CA5A: variants seen among roughly 807,000 people sequenced by gnomAD.
The protein encoded by CA5A is carbonic anhydrase 5A.
In CA5A, 28 loss-of-function variants were observed where a neutral mutation model predicts 37.1. The observed-to-expected ratio is 0.75, with a 90% CI of 0.56 to 1.03. The LOEUF is 1.03. Among genes scored for constraint, CA5A ranks in the 50% least tolerant of loss-of-function variants. CA5A has a pLI of 0.00. For missense variants in CA5A, 444 were observed against 399.9 expected, an observed-to-expected ratio of 1.11 and a Z score of -0.94; for synonymous variants, 171 against 158.4, an observed-to-expected ratio of 1.08 and a Z score of -0.60.
intron 2 of CA5A, among the ~76,000 whole-genome samples, chr16:87,924,795 T>C (rs1343282185): frequency 1.3e-5 from 2 of 151,992 alleles, no homozygotes; most frequent in Non-Finnish European, 2.9e-5. Context: ...TCCCGCTTGT[T>C]GGTCCCGCTT....
intron 2 of CA5A, among the ~76,000 whole-genome samples, chr16:87,923,054 C>T (rs773569488): frequency 1.8e-4 from 27 of 152,216 alleles, no homozygotes; most frequent in African/African-American, 5.3e-4. Context: ...GAACGGAAGC[C>T]GGCTCCTTGT....
chr16:87,883,322 C>CTACTT (rs2055623721), downstream of CA5A: 1 of 142,506 alleles, frequency 7.0e-6, no homozygotes. Flanking sequence ...CGCGCCTAGC[C>CTACTT]TTAGTTTTTT....
At chr16:87,933,011 A>G (rs950499594) in intron 1 of CA5A, among the ~76,000 whole-genome samples, 1 of 152,260 alleles carries the variant, frequency 6.6e-6, no homozygotes, top group African/African-American at 2.4e-5. Context: ...AACAGGCCTC[A>G]GGTGGCTGCG....
chr16:87,888,202 C>A lies in CA5A; in HGVS notation c.845G>T (p.Arg282Leu). 6.2e-7 allele frequency: 1 copy of A among 1,613,796 alleles called. No homozygotes were observed. The change falls in exon 7 of 7, where the codon CGC becomes CTC. Residue 282 changes from arginine (R) to leucine (L), a missense_variant. Arg to Leu is a moderately radical substitution (Grantham distance 102). Transcript: ENST00000649794. ...EEEKMMVNNYRPLQPLMNRKV... is the reference protein window; with the variant it reads ...EEEKMMVNNYLPLQPLMNRKV... Reference sequence around the variant, plus strand: ...CCGGTTCATCAAGGGTTGAAGTGGGCGATAGTTGTTCACCATCATCTTCTC... The same window carrying A: ...CCGGTTCATCAAGGGTTGAAGTGGGAGATAGTTGTTCACCATCATCTTCTC...
At chr16:87,925,954 G>A (rs1193276090) in intron 2 of CA5A, among the ~76,000 whole-genome samples, 2 of 152,198 alleles carry the variant, frequency 1.3e-5, no homozygotes, top group African/African-American at 4.8e-5. Context: ...CGGGCGCGGT[G>A]GCTCACGCCT....
At chr16:87,896,658 G>C (rs558461385) in intron 5 of CA5A, among the ~76,000 whole-genome samples, 1 of 152,132 alleles carries the variant, frequency 6.6e-6, no homozygotes, top group African/African-American at 2.4e-5. Flanking sequence ...TATTGTTTTT[G>C]AGACAGAGTT....
At chr16:87,902,050 C>G (rs977718713) in intron 4 of CA5A, 76 bp from the exon 5 acceptor site, 3 of 1,334,176 alleles carry the variant, frequency 2.2e-6, no homozygotes, top group East Asian at 4.6e-5. Context: ...TGTAAATACA[C>G]CACGTTTTAA....
At chr16:87,915,526 A>ATTTTTTTT (rs59358304) in intron 2 of CA5A, among the ~76,000 whole-genome samples, 1 of 72,980 alleles carries the variant, frequency 1.4e-5, no homozygotes, top group Non-Finnish European at 2.4e-5. Flanking sequence ...CTGTGTCAAA[A>ATTTTTTTT]TTTTTTTTTT....
At chr16:87,929,624 G>A (rs918772209) in intron 1 of CA5A, among the ~76,000 whole-genome samples, 1 of 152,040 alleles carries the variant, frequency 6.6e-6, no homozygotes. Flanking sequence ...TATAATCCCA[G>A]CACTTTGGGA....
chr16:87,894,516 C>G (rs1249206057), intron 5 of CA5A, among the ~76,000 whole-genome samples: 4 of 151,766 alleles, frequency 2.6e-5, no homozygotes, highest in Non-Finnish European at 5.9e-5. Context: ...TCCACACTGG[C>G]AGACACATGC....
chr16:87,902,046 T>C (rs537359104), intron 4 of CA5A, 72 bp from the exon 5 acceptor site: 2 of 1,345,674 alleles, frequency 1.5e-6, no homozygotes, highest in Non-Finnish European at 2.1e-6. Flanking sequence ...CCACTGTAAA[T>C]ACACCACGTT....
intron 2 of CA5A, among the ~76,000 whole-genome samples, chr16:87,914,580 G>A (rs893000525): frequency 8.5e-5 from 13 of 152,270 alleles, no homozygotes; most frequent in Non-Finnish European, 1.9e-4. Flanking sequence ...ACTGGCCCCT[G>A]CAGGGGAGCA....
intron 1 of CA5A, 80 bp from the exon 2 acceptor site, chr16:87,927,025 C>T (rs2056323243): frequency 1.2e-5 from 12 of 982,276 alleles, no homozygotes; most frequent in African/African-American, 8.0e-5. Flanking sequence ...GAAACCCGGC[C>T]GCACGAGACC....
chr16:87,915,856 T>A (rs1022815006), intron 2 of CA5A, among the ~76,000 whole-genome samples: 5 of 151,972 alleles, frequency 3.3e-5, no homozygotes, highest in African/African-American at 9.7e-5. Flanking sequence ...TAACATTTAA[T>A]AAGAAACAAC....
chr16:87,935,071 C>T (rs2056453502), intron 1 of CA5A, among the ~76,000 whole-genome samples: 1 of 152,254 alleles, frequency 6.6e-6, no homozygotes, highest in African/African-American at 2.4e-5. Context: ...GAGATAAGGA[C>T]ACAGAGGCTT....
chr16:87,934,243 A>G (rs1334725100), intron 1 of CA5A, among the ~76,000 whole-genome samples: 1 of 152,238 alleles, frequency 6.6e-6, no homozygotes, highest in Non-Finnish European at 1.5e-5. Flanking sequence ...GTTACAGACG[A>G]CAAAACCAAG....
intron 5 of CA5A, among the ~76,000 whole-genome samples, chr16:87,895,284 G>T (rs1379975212): frequency 6.6e-6 from 1 of 152,102 alleles, no homozygotes; most frequent in Non-Finnish European, 1.5e-5. Flanking sequence ...GGTGGCTCAC[G>T]CCTGTAATCC....
Position 87,888,098 on chromosome 16 carries a change from C to G in CA5A, c.*31G>C, listed in dbSNP as rs1241188910. ...AAACAACGCTTCCTTCCTTCAAAGT[C>G]AGTTCTGCTATTCATGTGGACCTAA... On this transcript the variant is annotated 3_prime_UTR_variant, in exon 7 of 7. Transcript: ENST00000649794. 6.4e-6 allele frequency: 10 copies of G among 1,551,520 alleles called. No individual in the cohort carries two copies. The highest frequency in any genetic ancestry group is 6.1e-5 in the Admixed American group (3 of 49,570).
intron 2 of CA5A, among the ~76,000 whole-genome samples, chr16:87,910,510 T>C (rs569197416): frequency 4.0e-4 from 61 of 152,308 alleles, no homozygotes; most frequent in African/African-American, 1.4e-3. Flanking sequence ...GGCCAAACTC[T>C]GCTACTTGCC....
Sources: allele counts gnomAD v4.1 joint callset (sites outside exome capture counted in the v4.1 genomes callset), GRCh38; gene constraint gnomAD v4.1.1; transcripts MANE v1.5; gene names NCBI Gene and HGNC (gene_info 2026-07-23, HGNC 2026-07-21).